The following ADAMTSL1 variants were observed in gnomAD, a reference collection of about 807,000 sequenced individuals.
ADAMTSL1 encodes the protein ADAMTS-like protein 1.
Under a neutral mutation model 201.8 loss-of-function variants are expected in ADAMTSL1, and 126 were observed. The ratio of observed to expected loss-of-function variants is 0.62; its 90% CI spans 0.54 to 0.72. ADAMTSL1 has a LOEUF of 0.72. Among genes scored for constraint, ADAMTSL1 ranks in the 30% least tolerant of loss-of-function variants. The probability of loss-of-function intolerance (pLI) is 0.00; values close to 1 mark genes in which losing one functional copy is unlikely to be tolerated. For missense variants in ADAMTSL1, 2,679 were observed against 2,277.8 expected, an observed-to-expected ratio of 1.18 and a Z score of -3.59; for synonymous variants, 1,121 against 903.4, an observed-to-expected ratio of 1.24 and a Z score of -4.32.
At chr9:18,485,589 T>C (rs1331987875) in intron 1 of ADAMTSL1, among the ~76,000 whole-genome samples, 3 of 152,184 alleles carry the variant, frequency 2.0e-5, no homozygotes, top group African/African-American at 4.8e-5. Context: ...GTCTGATGTG[T>C]CCCAGGCACT....
At chr9:18,218,313 C>T (rs1444958756) in intron 2 of ADAMTSL1, among the ~76,000 whole-genome samples, 1 of 152,148 alleles carries the variant, frequency 6.6e-6, no homozygotes, top group Non-Finnish European at 1.5e-5. Flanking sequence ...GCTGGAATCA[C>T]CACTGAGTGA....
intron 2 of ADAMTSL1, among the ~76,000 whole-genome samples, chr9:18,319,109 C>T (rs1834522920): frequency 6.6e-6 from 1 of 152,040 alleles, no homozygotes; most frequent in African/African-American, 2.4e-5. Flanking sequence ...GCCAGCTACT[C>T]CTGAGGCAGG....
chr9:18,045,794 T>C lies in ADAMTSL1; in HGVS notation c.88-118068T>C, dbSNP rs193197956. On this transcript the variant is annotated intron_variant, in intron 1 of 29. Transcript: ENST00000680146. Reference sequence around the variant, plus strand: ...GGCCTTTTTCTACTCTAAGTCCTGATACTCACTTGGTGCCTTTATTTTCTG... The same window carrying C: ...GGCCTTTTTCTACTCTAAGTCCTGACACTCACTTGGTGCCTTTATTTTCTG... Among the ~76,000 whole-genome samples the C allele has an allele frequency of 1.5e-3, 234 of 152,136 alleles. 1 individual carries two copies. Among genetic ancestry groups the C allele is most frequent in the Middle Eastern group, 0.01 (3 of 294 alleles).
chr9:17,941,117 T>C (rs550624934), intron 1 of ADAMTSL1, among the ~76,000 whole-genome samples: 6 of 152,192 alleles, frequency 3.9e-5, no homozygotes, highest in African/African-American at 1.4e-4. Flanking sequence ...ATTTTGAAGT[T>C]GTAGTTCTGA....
At chr9:18,198,154 C>T (rs1349906273) in intron 2 of ADAMTSL1, among the ~76,000 whole-genome samples, 1 of 151,876 alleles carries the variant, frequency 6.6e-6, no homozygotes, top group African/African-American at 2.4e-5. Context: ...CCATAAAAAC[C>T]CTAGAAGAAA....
intron 1 of ADAMTSL1, among the ~76,000 whole-genome samples, chr9:18,153,056 A>G (rs1486296997): frequency 6.7e-6 from 1 of 149,342 alleles, no homozygotes; most frequent in African/African-American, 2.5e-5. Flanking sequence ...TAGAAAAAAA[A>G]GCCGTCATAT....
intron 20 of ADAMTSL1, among the ~76,000 whole-genome samples, chr9:18,813,358 A>T (rs746358845): frequency 1.3e-5 from 2 of 152,180 alleles, no homozygotes; most frequent in Non-Finnish European, 1.5e-5. Context: ...TATTTTTGTA[A>T]AGAGTGTCAT....
intron 2 of ADAMTSL1, among the ~76,000 whole-genome samples, chr9:18,294,140 A>C (rs1483276387): frequency 6.6e-6 from 1 of 152,156 alleles, no homozygotes; most frequent in Non-Finnish European, 1.5e-5. Flanking sequence ...AAATACCTGT[A>C]ATTGCCAACC....
chr9:18,558,425 T>C lies in ADAMTSL1; in HGVS notation c.238-15605T>C, dbSNP rs1260100987. 5.3e-5 allele frequency among the ~76,000 whole-genome samples: 8 copies of C among 152,194 alleles called. No individual in the cohort carries two copies. In the East Asian group the frequency reaches 1.5e-3, roughly 29 times the overall value. ...AGTCTATCATTGATGGGCATTTGGG[T>C]TGGTTCCAAGTCTCTGCTCTTGTGA... On this transcript the variant is annotated intron_variant, in intron 3 of 28. Coordinates refer to ENST00000380548, the MANE Select transcript of ADAMTSL1 (RefSeq NM_001040272.6).
chr9:18,293,320 A>T (rs549797459), intron 2 of ADAMTSL1, among the ~76,000 whole-genome samples: 1 of 152,364 alleles, frequency 6.6e-6, no homozygotes, highest in Non-Finnish European at 1.5e-5. Flanking sequence ...GTTCAGCAAT[A>T]AAACTTTATT....
chr9:18,803,152 T>A (rs1393246785), intron 20 of ADAMTSL1, among the ~76,000 whole-genome samples: 1 of 152,228 alleles, frequency 6.6e-6, no homozygotes, highest in South Asian at 2.1e-4. Context: ...TACAGTCTCA[T>A]CAAGATGTCA....
chr9:18,318,477 C>T (rs1264674184), intron 2 of ADAMTSL1, among the ~76,000 whole-genome samples: 1 of 152,202 alleles, frequency 6.6e-6, no homozygotes, highest in African/African-American at 2.4e-5. Flanking sequence ...GCAAGCCTTT[C>T]AGAAAATCTG....
In ADAMTSL1 at chr9:18,650,716, C is replaced by T. The variant is rs115066989; in HGVS notation, c.835-6923C>T. Among the ~76,000 whole-genome samples, 1,064 of 152,282 alleles carry T rather than the reference C, an allele frequency of 7.0e-3. 24 individuals are homozygous for T. The highest frequency in any genetic ancestry group is 0.024 in the African/African-American group (1,017 of 41,566). Reference sequence around the variant, plus strand: ...GCCACCTTTAAAACTAGACTGAATTCTCATCTTGCTTCCTAGAGCAGCGTT... The same window carrying T: ...GCCACCTTTAAAACTAGACTGAATTTTCATCTTGCTTCCTAGAGCAGCGTT... On this transcript the variant is annotated intron_variant, in intron 7 of 28. Coordinates refer to ENST00000380548, the MANE Select transcript of ADAMTSL1 (RefSeq NM_001040272.6).
intron 2 of ADAMTSL1, among the ~76,000 whole-genome samples, chr9:18,275,749 T>C (rs1392615862): frequency 6.6e-6 from 1 of 152,182 alleles, no homozygotes; most frequent in African/African-American, 2.4e-5. Context: ...AATTTGTTAA[T>C]CCTTTAGTGA....
chr9:18,329,405 G>A (rs375318143), intron 2 of ADAMTSL1, among the ~76,000 whole-genome samples: 1 of 152,282 alleles, frequency 6.6e-6, no homozygotes, highest in African/African-American at 2.4e-5. Context: ...GGATATAAGT[G>A]GAAGAACATT....
chr9:18,280,064 G>C (rs1832726226), intron 2 of ADAMTSL1, among the ~76,000 whole-genome samples: 1 of 152,092 alleles, frequency 6.6e-6, no homozygotes. Context: ...AAGTAGGCTT[G>C]AACCCTAGTT....
At chr9:18,445,316 T>C (rs1181781886) in intron 2 of ADAMTSL1, among the ~76,000 whole-genome samples, 1 of 152,160 alleles carries the variant, frequency 6.6e-6, no homozygotes, top group Non-Finnish European at 1.5e-5. Context: ...ATTAAGATCA[T>C]GGATAATGAA....
chr9:18,889,436 AT>A, intron 24 of ADAMTSL1, 131 bp from the exon 25 acceptor site: 1 of 1,004,336 alleles, frequency 1.0e-6, no homozygotes, highest in Non-Finnish European at 1.4e-6. Context: ...GCAGGGCCTC[AT>A]TTATAATAGC....
chr9:18,771,773 G>C (rs1355784865), intron 17 of ADAMTSL1, among the ~76,000 whole-genome samples: 1 of 114,358 alleles, frequency 8.7e-6, no homozygotes, highest in East Asian at 3.0e-4. Flanking sequence ...GCTGCTGCTT[G>C]AAATACCTCA....
Sources: allele counts gnomAD v4.1 joint callset (sites outside exome capture counted in the v4.1 genomes callset), GRCh38; gene constraint gnomAD v4.1.1; transcripts MANE v1.5; gene names NCBI Gene and HGNC (gene_info 2026-07-23, HGNC 2026-07-21).